LDLRAD3: variants seen among roughly 807,000 people sequenced by gnomAD.
LDLRAD3 encodes low-density lipoprotein receptor class A domain-containing protein 3.
LDLRAD3 carries 20 observed loss-of-function variants against 29.4 expected under a neutral mutation model. The observed-to-expected ratio is 0.68, with a 90% CI of 0.48 to 0.99. The LOEUF (loss-of-function observed/expected upper bound fraction) is 0.99, where lower values mean the gene tolerates loss of function less well. Among genes scored for constraint, LDLRAD3 ranks in the 50% least tolerant of loss-of-function variants. LDLRAD3 has a pLI of 0.00. For synonymous variants in LDLRAD3, 157 were observed against 192.7 expected (o/e 0.81, Z 1.53); for missense variants, 420 against 454.3 (o/e 0.92, Z 0.69).
At chr11:36,217,953 A>G (rs1590364616) in intron 4 of LDLRAD3, among the ~76,000 whole-genome samples, 1 of 152,142 alleles carries the variant, frequency 6.6e-6, no homozygotes, top group African/African-American at 2.4e-5. Context: ...TACCTTAATT[A>G]TATCTGCAAA....
rs1486713221 is a variant in LDLRAD3 at position 36,227,165 on chromosome 11, A to G, written c.535A>G (p.Ser179Gly). Residue 179 changes from serine (S) to glycine (G), a missense_variant, in exon 5 of 6, where the codon AGC becomes GGC. By Grantham distance (56) the Ser-to-Gly change is moderately conservative (BLOSUM62 0). This residue lies in a region of LDLRAD3 where 56 missense variants were observed against 92.2 expected (regional missense o/e 0.61). Coordinates refer to ENST00000315571, the MANE Select transcript of LDLRAD3 (RefSeq NM_174902.4). Reference sequence around the variant, plus strand: ...CAGCATCACCTATGCCATCATCGGCAGCTCCGTCATTTTTGTGCTGGTGGT... The same window carrying G: ...CAGCATCACCTATGCCATCATCGGCGGCTCCGTCATTTTTGTGCTGGTGGT... ...YPSITYAIIG[S>G]SVIFVLVVAL... The G allele has an allele frequency of 6.2e-6, 10 of 1,614,028 alleles. No individual in the cohort carries two copies. Among genetic ancestry groups the G allele is most frequent in the Admixed American group, 1.7e-5 (1 of 60,010 alleles).
chr11:36,212,712 C>T (rs1036611754), intron 4 of LDLRAD3, among the ~76,000 whole-genome samples: 3 of 152,280 alleles, frequency 2.0e-5, no homozygotes, highest in Non-Finnish European at 4.4e-5. Context: ...ACACAGAGAT[C>T]AAATTCTGAG....
chr11:36,034,719 A>C (rs906399277), intron 1 of LDLRAD3, among the ~76,000 whole-genome samples: 13 of 152,154 alleles, frequency 8.5e-5, no homozygotes, highest in Non-Finnish European at 1.5e-4. Context: ...TGGTACTATC[A>C]CCAGACTACA....
chr11:36,203,475 G>A (rs1026431270), intron 4 of LDLRAD3, among the ~76,000 whole-genome samples: 1 of 152,164 alleles, frequency 6.6e-6, no homozygotes, highest in Admixed American at 6.5e-5. Flanking sequence ...GGATGTCAGT[G>A]CATCATCGTC....
At chr11:35,987,187 A>AT (rs1483621872) in intron 1 of LDLRAD3, among the ~76,000 whole-genome samples, 3 of 152,240 alleles carry the variant, frequency 2.0e-5, no homozygotes, top group Non-Finnish European at 4.4e-5. Context: ...GTTATGACAC[A>AT]TTTGTATATC....
intron 2 of LDLRAD3, among the ~76,000 whole-genome samples, chr11:36,038,445 C>T (rs2133212100): frequency 6.6e-6 from 1 of 152,252 alleles, no homozygotes; most frequent in East Asian, 1.9e-4. Flanking sequence ...CGTTAGCTGA[C>T]CTGGGAATGT....
At chr11:35,984,266 G>A (rs747109526) in intron 1 of LDLRAD3, among the ~76,000 whole-genome samples, 2 of 151,986 alleles carry the variant, frequency 1.3e-5, no homozygotes, top group East Asian at 1.9e-4. Context: ...TTTGTTGACC[G>A]CCCACAATGC....
intron 4 of LDLRAD3, among the ~76,000 whole-genome samples, chr11:36,113,777 G>A (rs1456539158): frequency 6.6e-6 from 1 of 150,472 alleles, no homozygotes; most frequent in East Asian, 2.0e-4. Context: ...AGGTTCATGC[G>A]ATTCTCCTGC....
At chr11:36,168,498 C>CTTTTTTTTTTTTTTTT (rs5791083) in intron 4 of LDLRAD3, among the ~76,000 whole-genome samples, 15 of 115,730 alleles carry the variant, frequency 1.3e-4, no homozygotes, top group East Asian at 6.9e-4. Flanking sequence ...TTTCTTTCTT[C>CTTTTTTTTTTTTTTTT]TTTTTTTTTT....
At chr11:36,180,531 C>T (rs1485284328) in intron 4 of LDLRAD3, among the ~76,000 whole-genome samples, 1 of 152,042 alleles carries the variant, frequency 6.6e-6, no homozygotes, top group African/African-American at 2.4e-5. Flanking sequence ...CAGCTGAAGA[C>T]AGGAGGCGTG....
intron 4 of LDLRAD3, among the ~76,000 whole-genome samples, chr11:36,151,159 T>A (rs181350360): frequency 6.6e-6 from 1 of 152,326 alleles, no homozygotes; most frequent in Non-Finnish European, 1.5e-5. Flanking sequence ...CAAATTGTAA[T>A]TCACATGGTG....
chr11:36,039,755 A>G (rs1852356923), intron 2 of LDLRAD3, among the ~76,000 whole-genome samples: 1 of 152,214 alleles, frequency 6.6e-6, no homozygotes, highest in South Asian at 2.1e-4. Context: ...GTGACACTGT[A>G]ACTTAACCAT....
chr11:36,114,950 A>G (rs1853653609), intron 4 of LDLRAD3, among the ~76,000 whole-genome samples: 1 of 152,204 alleles, frequency 6.6e-6, no homozygotes, highest in Admixed American at 6.5e-5. Flanking sequence ...TATTGTGACT[A>G]TTTTGATCAG....
chr11:36,146,046 C>T (rs1265415886), intron 4 of LDLRAD3, among the ~76,000 whole-genome samples: 2 of 148,694 alleles, frequency 1.3e-5, no homozygotes, highest in Non-Finnish European at 3.0e-5. Context: ...GACTTCAACA[C>T]AGGAATTTAG....
intron 1 of LDLRAD3, among the ~76,000 whole-genome samples, chr11:35,951,037 C>T (rs987623344): frequency 1.3e-4 from 20 of 151,798 alleles, no homozygotes; most frequent in African/African-American, 4.4e-4. Context: ...GAGCCGAGAT[C>T]GTGCCACTGA....
chr11:36,113,349 G>A (rs369015747), intron 4 of LDLRAD3, among the ~76,000 whole-genome samples: 2 of 152,002 alleles, frequency 1.3e-5, no homozygotes, highest in South Asian at 2.1e-4. Context: ...GGAGCTCTCC[G>A]CTCCTCAGGA....
chr11:35,964,716 G>A (rs1851317349), intron 1 of LDLRAD3, among the ~76,000 whole-genome samples: 1 of 152,126 alleles, frequency 6.6e-6, no homozygotes, highest in Non-Finnish European at 1.5e-5. Context: ...GCCTGGGTGT[G>A]GTGGCTCATG....
At chr11:36,191,478 G>C (rs1439771626) in intron 4 of LDLRAD3, among the ~76,000 whole-genome samples, 1 of 150,796 alleles carries the variant, frequency 6.6e-6, no homozygotes. Flanking sequence ...AGGAGTTTGA[G>C]GCTGTGGTGA....
chr11:36,133,547 CTTTTTT>C (rs67935336), intron 4 of LDLRAD3, among the ~76,000 whole-genome samples: 1 of 119,904 alleles, frequency 8.3e-6, no homozygotes, highest in African/African-American at 3.2e-5. Context: ...TTTTTCTTTT[CTTTTTT>C]TTTTTTTTTT....
Sources: allele counts gnomAD v4.1 joint callset (sites outside exome capture counted in the v4.1 genomes callset), GRCh38; gene constraint gnomAD v4.1.1; regional missense constraint gnomAD v4.1.1; transcripts MANE v1.5; gene names NCBI Gene and HGNC (gene_info 2026-07-23, HGNC 2026-07-21).